Variants in RBFOX1 observed in about 807,000 individuals in gnomAD.
RBFOX1 encodes the protein RNA binding fox-1 homolog 1, also known as RNA binding protein fox-1 homolog 1.
In RBFOX1, 8 loss-of-function variants were observed where a neutral mutation model predicts 57.7. The observed-to-expected ratio is 0.14, with a 90% confidence interval of 0.08 to 0.25. The LOEUF is 0.25. Ranked by LOEUF, RBFOX1 falls within the 10% of genes least tolerant of loss-of-function variation. The pLI is 1.00. For missense variants in RBFOX1, 611 were observed against 548.5 expected, an observed-to-expected ratio of 1.11 and a Z score of -1.14; for synonymous variants, 326 against 222.4, an observed-to-expected ratio of 1.47 and a Z score of -4.15.
intron 4 of RBFOX1, among the ~76,000 whole-genome samples, chr16:7,404,455 G>A (rs2098300553): frequency 6.6e-6 from 1 of 152,182 alleles, no homozygotes; most frequent in African/African-American, 2.4e-5. Context: ...GGTGAATGAT[G>A]ACGGCTCCTG....
chr16:5,544,049 T>C (rs1384175967), intron 2 of RBFOX1, among the ~76,000 whole-genome samples: 1 of 152,176 alleles, frequency 6.6e-6, no homozygotes, highest in Non-Finnish European at 1.5e-5. Context: ...ACCTGAACAA[T>C]GTCACCAACC....
At chr16:5,495,858 GC>G (rs1369196479) in intron 2 of RBFOX1, among the ~76,000 whole-genome samples, 1 of 152,230 alleles carries the variant, frequency 6.6e-6, no homozygotes, top group East Asian at 1.9e-4. Flanking sequence ...GAGCATGGTG[GC>G]TCACGCCTGT....
At chr16:6,894,403 C>A (rs1415398582) in intron 3 of RBFOX1, among the ~76,000 whole-genome samples, 2 of 152,140 alleles carry the variant, frequency 1.3e-5, no homozygotes, top group Non-Finnish European at 2.9e-5. Context: ...TTCCATTCAG[C>A]CCAAGTGGCA....
chr16:5,985,335 C>T (rs1375257125), intron 4 of RBFOX1, among the ~76,000 whole-genome samples: 1 of 152,002 alleles, frequency 6.6e-6, no homozygotes, highest in East Asian at 1.9e-4. Flanking sequence ...GGATGCCATC[C>T]ATCCTTGGTG....
intron 2 of RBFOX1, among the ~76,000 whole-genome samples, chr16:6,341,120 C>G (rs772786595): frequency 6.6e-6 from 1 of 152,156 alleles, no homozygotes; most frequent in Non-Finnish European, 1.5e-5. Flanking sequence ...TTCTGTCTTA[C>G]AGTTCTGGAA....
chr16:6,229,401 C>T (rs2097441706), intron 1 of RBFOX1, among the ~76,000 whole-genome samples: 1 of 152,268 alleles, frequency 6.6e-6, no homozygotes, highest in Non-Finnish European at 1.5e-5. Context: ...TCTCGTTTTC[C>T]CCCTATCTTT....
intron 4 of RBFOX1, among the ~76,000 whole-genome samples, chr16:7,070,494 C>G (rs1598661973): frequency 1.3e-5 from 2 of 152,232 alleles, no homozygotes; most frequent in East Asian, 1.9e-4. Flanking sequence ...TATTCTTAAT[C>G]TTGATTGCAT....
intron 2 of RBFOX1, among the ~76,000 whole-genome samples, chr16:6,534,736 A>G (rs776339633): frequency 5.9e-5 from 9 of 152,202 alleles, no homozygotes; most frequent in South Asian, 4.2e-4. Flanking sequence ...AAAGAGGGAG[A>G]AGGGAATTTT....
At chr16:6,444,851 G>T (rs2094453614) in intron 2 of RBFOX1, among the ~76,000 whole-genome samples, 1 of 152,140 alleles carries the variant, frequency 6.6e-6, no homozygotes, top group Non-Finnish European at 1.5e-5. Flanking sequence ...GCTTGGTTCT[G>T]TGTGAGAACA....
chr16:5,533,209 C>A (rs1379831778), intron 2 of RBFOX1, among the ~76,000 whole-genome samples: 2 of 152,102 alleles, frequency 1.3e-5, no homozygotes, highest in Non-Finnish European at 1.5e-5. Context: ...AGGCTAGGGG[C>A]TGCGGACTTT....
At chr16:7,443,975 C>T (rs964538850) in intron 4 of RBFOX1, among the ~76,000 whole-genome samples, 1 of 152,180 alleles carries the variant, frequency 6.6e-6, no homozygotes, top group East Asian at 1.9e-4. Context: ...ACATATTTAT[C>T]TTCAAGAGAA....
rs1037501449 is a variant in RBFOX1 at position 6,453,706 on chromosome 16, T to C, written c.-64+136649T>C. ...TATGGAAGCCCCTGACTTTCTAAGC[T>C]TATTGGTTTCACTGGTGTTGTCTGT... On this transcript the variant is annotated intron_variant, in intron 2 of 15. Transcript: ENST00000550418. Among the ~76,000 whole-genome samples, 82 of 152,338 alleles carry C rather than the reference T, an allele frequency of 5.4e-4. 1 individual carries two copies. The highest frequency in any genetic ancestry group is 1.9e-3 in the African/African-American group (81 of 41,586).
intron 3 of RBFOX1, among the ~76,000 whole-genome samples, chr16:7,036,825 T>G (rs2044607055): frequency 6.6e-6 from 1 of 152,026 alleles, no homozygotes; most frequent in African/African-American, 2.4e-5. Flanking sequence ...GGCTAGTTCA[T>G]AGACAGAGTG....
At chr16:7,417,895 C>T (rs540320696) in intron 4 of RBFOX1, among the ~76,000 whole-genome samples, 1 of 152,148 alleles carries the variant, frequency 6.6e-6, no homozygotes, top group Admixed American at 6.5e-5. Context: ...TCTCCCTTTT[C>T]CTGCAGATGT....
intron 3 of RBFOX1, among the ~76,000 whole-genome samples, chr16:5,787,326 A>T (rs11076970): frequency 0.32 from 48,134 of 152,046 alleles, 8,683 homozygotes; most frequent in East Asian, 0.55. Flanking sequence ...CACACAGAAG[A>T]GCCTCACAGT....
chr16:6,040,122 A>G (rs1324145694), intron 1 of RBFOX1, among the ~76,000 whole-genome samples: 1 of 152,224 alleles, frequency 6.6e-6, no homozygotes, highest in African/African-American at 2.4e-5. Context: ...ATTACATTAC[A>G]TTTTTATTAA....
chr16:5,565,992 A>G (rs889215343), intron 2 of RBFOX1, among the ~76,000 whole-genome samples: 1 of 152,094 alleles, frequency 6.6e-6, no homozygotes, highest in African/African-American at 2.4e-5. Context: ...AAGTCTCCTG[A>G]GATCTGATGA....
Position 7,417,843 on chromosome 16 carries a change from A to G in RBFOX1, c.28-100304A>G, listed in dbSNP as rs769842652. Among the ~76,000 whole-genome samples the G allele has an allele frequency of 1.2e-4, 18 of 152,096 alleles. 1 individual carries two copies. The highest frequency in any genetic ancestry group is 2.0e-4 in the Admixed American group (3 of 15,272). ...GTCCTCACACAGAGCTTGATTGTCTACTTCACTTCTTGACGCACTTTCGTT... is the reference window on the plus strand; with the variant it reads ...GTCCTCACACAGAGCTTGATTGTCTGCTTCACTTCTTGACGCACTTTCGTT... On this transcript the variant is annotated intron_variant, in intron 4 of 15. Coordinates refer to ENST00000550418, the MANE Select transcript of RBFOX1 (RefSeq NM_018723.4).
intron 3 of RBFOX1, among the ~76,000 whole-genome samples, chr16:6,824,915 A>T (rs1268869386): frequency 6.7e-6 from 1 of 148,498 alleles, no homozygotes; most frequent in Non-Finnish European, 1.5e-5. Context: ...TCTTCCCTAG[A>T]GGCAACCATT....
Sources: allele counts gnomAD v4.1 joint callset (sites outside exome capture counted in the v4.1 genomes callset), GRCh38; gene constraint gnomAD v4.1.1; transcripts MANE v1.5; gene names NCBI Gene and HGNC (gene_info 2026-07-23, HGNC 2026-07-21).